The following GTF3C3 variants were observed in gnomAD, a reference collection of about 807,000 sequenced individuals.
GTF3C3 encodes general transcription factor IIIC subunit 3, also known as general transcription factor 3C polypeptide 3.
GTF3C3 carries 75 observed loss-of-function variants against 105.2 expected under a neutral mutation model. That is an observed-to-expected ratio of 0.71 (90% CI 0.59 to 0.86). GTF3C3 has a LOEUF of 0.86. GTF3C3 is among the 40% of genes least tolerant of loss of function. The probability of loss-of-function intolerance (pLI) is 0.00; values close to 1 mark genes in which losing one functional copy is unlikely to be tolerated. For synonymous variants in GTF3C3, 335 were observed against 370.4 expected (o/e 0.90, Z 1.10); for missense variants, 856 against 1,076.5 (o/e 0.80, Z 2.87).
chr2:196,766,186 C>CCTAT (rs1401058114), intron 17 of GTF3C3, among the ~76,000 whole-genome samples: 1 of 151,710 alleles, frequency 6.6e-6, no homozygotes, highest in South Asian at 2.1e-4. Flanking sequence ...AACACTTTAC[C>CCTAT]CTATCTTAAA....
Position 196,789,913 on chromosome 2 carries a change from GTCTT to G in GTF3C3, c.689_692del (p.Gln230ProfsTer48), listed in dbSNP as rs750704186. 2.5e-6 allele frequency: 4 copies of G among 1,604,130 alleles called. No homozygotes were observed. The Admixed American group carries it at 6.9e-5, about 27-fold the overall frequency. ...AGCAAAAAATAGCCTGCTTAATATT[GTCTT>G]GTTCCAGAGACATTTCTGCCAGTCT... is the stretch of plus-strand genomic sequence containing the variant. On this transcript the variant is annotated frameshift_variant, in exon 5 of 18. Coordinates refer to ENST00000263956, the MANE Select transcript of GTF3C3 (RefSeq NM_012086.5). LOFTEE classifies it high-confidence loss of function.
At position 196,776,406 on chromosome 2, in the gene GTF3C3, CCTCT is replaced by C; in HGVS notation, c.1593+17_1593+20del. 6.3e-7 allele frequency: 1 copy of C among 1,592,328 alleles called. No individual in the cohort carries two copies. ...AATATAATATACCAAGAAAAACTTCCCTCTATGTGACATGGCCCACCTGCTGTGC... is the reference window on the plus strand; with the variant it reads ...AATATAATATACCAAGAAAAACTTCCATGTGACATGGCCCACCTGCTGTGC... On this transcript the variant is annotated intron_variant, in intron 11 of 17. Transcript: ENST00000263956. This position sits in a 1 kb window ranked among gnomAD's most constrained non-coding sequence, Gnocchi z 4.5.
intron 8 of GTF3C3, among the ~76,000 whole-genome samples, chr2:196,783,972 C>A (rs549537190): frequency 1.3e-5 from 2 of 152,186 alleles, no homozygotes; most frequent in East Asian, 1.9e-4. Context: ...CCACATCTCA[C>A]CTTGGGCCTT....
rs1208628804 is a variant in GTF3C3 at position 196,789,987 on chromosome 2, A to G, written c.619T>C (p.Leu207=). The G allele has an allele frequency of 1.2e-6, 2 of 1,613,458 alleles. No homozygotes were observed. Among genetic ancestry groups the G allele is most frequent in the Non-Finnish European group, 1.7e-6 (2 of 1,179,586 alleles). The change falls in exon 5 of 18, where the codon TTG becomes CTG. Residue 207 remains leucine, a synonymous_variant. Coordinates refer to ENST00000263956, the MANE Select transcript of GTF3C3 (RefSeq NM_012086.5). ...GDMEKSLQFE[L]IAAHLNPSDT... is the part of the protein sequence containing the mutation. Reference sequence around the variant, plus strand: ...CTGGGATTTAAATGCGCAGCAATCAACTCAAACTGCAATGATTTTTCCATG... The same window carrying G: ...CTGGGATTTAAATGCGCAGCAATCAGCTCAAACTGCAATGATTTTTCCATG...
chr2:196,789,842 GC>G, intron 5 of GTF3C3, 36 bp downstream of exon 5: 1 of 1,268,532 alleles, frequency 7.9e-7, no homozygotes, highest in South Asian at 1.5e-5. Context: ...TTATGTAACA[GC>G]TTGTAAAAGT....
At chr2:196,789,000 C>T (rs370657218) in intron 6 of GTF3C3, among the ~76,000 whole-genome samples, 2 of 151,972 alleles carry the variant, frequency 1.3e-5, no homozygotes, top group Non-Finnish European at 2.9e-5. Flanking sequence ...CAGAAGTTCA[C>T]GGCTGCAGTG....
At position 196,793,099 on chromosome 2, in the gene GTF3C3, G is replaced by A. The variant is rs750991876; in HGVS notation, c.268C>T (p.Leu90Phe). 8.1e-6 allele frequency: 13 copies of A among 1,613,346 alleles called. No homozygotes were observed. In the East Asian group the frequency reaches 2.7e-4, roughly 33 times the overall value. Residue 90 changes from leucine to phenylalanine, a missense_variant, in exon 3 of 18, where the codon CTT becomes TTT. Leu to Phe is a conservative substitution (Grantham distance 22, BLOSUM62 0). Transcript: ENST00000263956. ...KSVHKVFASM[L>F]GENEDDEEEE... is the part of the protein sequence containing the mutation. ...TCCTCATCATCTTCATTCTCTCCAA[G>A]CATGGAAGCAAAGACCTTGTGAACT...
chr2:196,775,260 A>G lies in GTF3C3; in HGVS notation c.1696-9T>C. 1.9e-6 allele frequency: 3 copies of G among 1,592,338 alleles called. 1 individual carries two copies. The South Asian group carries it at 3.5e-5, about 18-fold the overall frequency. Reference sequence around the variant, plus strand: ...GCTCGATTCATTGCTACCTGAATTAAAGATGAAGATTTCAGATTCTTTAAA... The same window carrying G: ...GCTCGATTCATTGCTACCTGAATTAGAGATGAAGATTTCAGATTCTTTAAA... On this transcript the variant is annotated splice_polypyrimidine_tract_variant and intron_variant, in intron 12 of 17. Transcript: ENST00000263956.
chr2:196,798,193 A>G (rs1338951388), intron 1 of GTF3C3, among the ~76,000 whole-genome samples: 1 of 152,208 alleles, frequency 6.6e-6, no homozygotes, highest in South Asian at 2.1e-4. Flanking sequence ...TAAATAAAAT[A>G]TCTTAATAAT....
In GTF3C3 at chr2:196,778,976, T is replaced by C; in HGVS notation, c.1310A>G (p.Tyr437Cys). 2 of 1,613,920 alleles carry C rather than the reference T, an allele frequency of 1.2e-6. No individual in the cohort carries two copies. The highest frequency in any genetic ancestry group is 8.5e-7 in the Non-Finnish European group (1 of 1,179,826). Residue 437 changes from tyrosine (Y) to cysteine (C), a missense_variant, in exon 10 of 18, where the codon TAT becomes TGT. Transcript: ENST00000263956. ...VAEAFLDVGE[Y>C]NSALPLLSAL... ...ACTGAGGAGGGGAAGTGCAGAATTA[T>C]ATTCACCAACATCCAGAAAAGCTTC...
chr2:196,769,796 C>T (rs537460290), intron 16 of GTF3C3, 119 bp downstream of exon 16: 41 of 758,684 alleles, frequency 5.4e-5, no homozygotes, highest in Middle Eastern at 7.8e-4. Flanking sequence ...TGGGGACCCC[C>T]GTCATGTGTA....
intron 2 of GTF3C3, among the ~76,000 whole-genome samples, chr2:196,794,400 AT>A (rs1699601980): frequency 6.6e-6 from 1 of 152,158 alleles, no homozygotes; most frequent in Non-Finnish European, 1.5e-5. Context: ...ATAGAGAGAT[AT>A]ATTTATGTTT....
Position 196,786,968 on chromosome 2 carries a change from C to G in GTF3C3, c.894-1380G>C, listed in dbSNP as rs1030549507. Among the ~76,000 whole-genome samples the G allele has an allele frequency of 1.3e-5, 2 of 152,132 alleles. No homozygotes were observed. Among genetic ancestry groups the G allele is most frequent in the Non-Finnish European group, 2.9e-5 (2 of 68,024 alleles). On this transcript the variant is annotated intron_variant, in intron 6 of 17. Coordinates refer to ENST00000263956, the MANE Select transcript of GTF3C3 (RefSeq NM_012086.5). This position sits in a 1 kb window ranked among gnomAD's most constrained non-coding sequence, Gnocchi z 4.2. The stretch of plus-strand genomic sequence containing the variant: ...TTTCTTCAATTAAATTCTAGAACAT[C>G]ATGCTGTTCTCAGTTTCCTGCTACT...
intron 3 of GTF3C3, 27 bp downstream of exon 3, chr2:196,792,929 T>C (rs371413450): frequency 8.4e-5 from 127 of 1,510,896 alleles, no homozygotes; most frequent in Non-Finnish European, 1.1e-4. Context: ...TCATTGTTTA[T>C]AAATACCAAA....
chr2:196,799,321 G>C, intron 1 of GTF3C3, 189 bp downstream of exon 1: 1 of 531,864 alleles, frequency 1.9e-6, no homozygotes. Context: ...CTTTTCGGTG[G>C]GGGAAAACGT....
intron 12 of GTF3C3, 110 bp from the exon 13 acceptor site, chr2:196,775,361 T>A (rs1699243170): frequency 2.2e-6 from 2 of 896,430 alleles, no homozygotes; most frequent in Admixed American, 5.7e-5. Context: ...GCTCAAGTGA[T>A]CCTCTCACCT....
At chr2:196,797,947 G>T in intron 1 of GTF3C3, 39 bp from the exon 2 acceptor site, 1 of 1,117,874 alleles carries the variant, frequency 8.9e-7, no homozygotes, top group Non-Finnish European at 1.4e-6. Flanking sequence ...AAAAAATAAT[G>T]CAGACTTAGC....
At chr2:196,795,434 C>T (rs1699626344) in intron 2 of GTF3C3, among the ~76,000 whole-genome samples, 1 of 152,076 alleles carries the variant, frequency 6.6e-6, no homozygotes, top group Admixed American at 6.6e-5. Context: ...GCTACATGTT[C>T]TGAGCAATAA....
rs1293505945 is a variant in GTF3C3, at chr2:196,764,746, T to C, written c.2539-61A>G. ...CCAACTGTCAACCGGGACAATTTTATGGCAAATTAATAGTTTTATAAGTGT... is the reference window on the plus strand; with the variant it reads ...CCAACTGTCAACCGGGACAATTTTACGGCAAATTAATAGTTTTATAAGTGT... On this transcript the variant is annotated intron_variant, in intron 17 of 17. Transcript: ENST00000263956. 6.2e-6 allele frequency: 9 copies of C among 1,447,510 alleles called. No homozygotes were observed. In the East Asian group the frequency reaches 2.1e-4, roughly 33 times the overall value. The allele number at this position is 1,447,510 out of a possible 1,614,324, so 89.7% of individuals were successfully genotyped here. A position where few individuals can be genotyped will look rare whatever the true frequency, so the allele number is the denominator to read the frequency against.
Sources: gnomAD v4.1 joint callset for allele counts (sites outside exome capture counted in the v4.1 genomes callset) on GRCh38, gnomAD v4.1.1 for gene constraint, Gnocchi (gnomAD v3.1) non-coding constraint, MANE v1.5 for transcripts, NCBI Gene and HGNC (gene_info 2026-07-23, HGNC 2026-07-21) for gene names.